ALDH4A1: variants seen among roughly 807,000 people sequenced by gnomAD.
The protein encoded by ALDH4A1 is delta-1-pyrroline-5-carboxylate dehydrogenase, mitochondrial.
In ALDH4A1, 46 loss-of-function variants were observed where a neutral mutation model predicts 70.5. That is an observed-to-expected ratio of 0.65 (90% CI 0.51 to 0.83). The LOEUF (loss-of-function observed/expected upper bound fraction) is 0.83. ALDH4A1 is among the 40% of genes least tolerant of loss of function. The pLI, the probability that ALDH4A1 is intolerant of heterozygous loss-of-function variation, is 0.00. For missense variants in ALDH4A1, 749 were observed against 766.5 expected, an observed-to-expected ratio of 0.98 and a Z score of 0.27; for synonymous variants, 323 against 324.3, an observed-to-expected ratio of 1.00 and a Z score of 0.04.
chr1:18,888,318 G>A (rs953424934), intron 3 of ALDH4A1, among the ~76,000 whole-genome samples: 3 of 152,176 alleles, frequency 2.0e-5, no homozygotes, highest in African/African-American at 4.8e-5. Flanking sequence ...AGGTGGCTGC[G>A]ACCTGGGCCC....
intron 7 of ALDH4A1, 43 bp from the exon 8 acceptor site, chr1:18,881,930 C>T: frequency 1.3e-6 from 2 of 1,569,342 alleles, no homozygotes; most frequent in African/African-American, 2.7e-5. Flanking sequence ...ATGGCGCCAC[C>T]AGCCCCCAAC....
At chr1:18,888,194 C>T (rs1935295406) in intron 3 of ALDH4A1, among the ~76,000 whole-genome samples, 1 of 152,182 alleles carries the variant, frequency 6.6e-6, no homozygotes. Context: ...TACTGGCCGG[C>T]GCTGGTCTAG....
At chr1:18,901,447 G>T (rs184849967) in intron 1 of ALDH4A1, among the ~76,000 whole-genome samples, 20 of 152,264 alleles carry the variant, frequency 1.3e-4, no homozygotes, top group East Asian at 7.7e-4. Flanking sequence ...TGGGAGGGGG[G>T]GCTGATCCAC....
intron 7 of ALDH4A1, among the ~76,000 whole-genome samples, chr1:18,882,143 A>G (rs1451047619): frequency 1.3e-5 from 2 of 152,268 alleles, no homozygotes; most frequent in East Asian, 3.9e-4. Context: ...GCCTGCACCA[A>G]CCGGTCCTGC....
chr1:18,900,138 A>G (rs368548052), intron 1 of ALDH4A1, among the ~76,000 whole-genome samples: 5 of 152,198 alleles, frequency 3.3e-5, no homozygotes, highest in East Asian at 3.8e-4. Context: ...CACAGTTGAC[A>G]TGTATTAAAC....
At chr1:18,876,635 A>G (rs1464966476) in intron 11 of ALDH4A1, among the ~76,000 whole-genome samples, 168 bp from the exon 12 acceptor site, 1 of 86,616 alleles carries the variant, frequency 1.2e-5, no homozygotes, top group African/African-American at 3.6e-5. Flanking sequence ...GCTGAGCCAC[A>G]GCAGAGACAA....
chr1:18,894,489 G>A (rs1935549115), intron 1 of ALDH4A1, among the ~76,000 whole-genome samples: 1 of 152,258 alleles, frequency 6.6e-6, no homozygotes, highest in Admixed American at 6.5e-5. Context: ...GTAGCAGTGA[G>A]CCCAGATCGT....
intron 3 of ALDH4A1, among the ~76,000 whole-genome samples, chr1:18,889,050 G>A (rs1296802124): frequency 6.6e-6 from 1 of 152,222 alleles, no homozygotes; most frequent in East Asian, 1.9e-4. Context: ...CGGGGCCCGG[G>A]GCCCAGCTTT....
intron 1 of ALDH4A1, chr1:18,897,251 A>G: frequency 8.0e-6 from 3 of 376,646 alleles, no homozygotes; most frequent in Non-Finnish European, 1.6e-5. Flanking sequence ...CCAATATACA[A>G]AACACTTCCG....
intron 8 of ALDH4A1, among the ~76,000 whole-genome samples, chr1:18,881,193 A>G (rs1410752694): frequency 1.3e-5 from 2 of 151,968 alleles, no homozygotes; most frequent in Non-Finnish European, 2.9e-5. Flanking sequence ...CTCCAGCCAC[A>G]CAGGATCCTG....
At position 18,872,468 on chromosome 1, in the gene ALDH4A1, G is replaced by A; in HGVS notation, c.*377C>T. The A allele has an allele frequency of 5.2e-6, 1 of 192,896 alleles. No individual in the cohort carries two copies. The highest frequency in any genetic ancestry group is 5.4e-5 in the Admixed American group (1 of 18,456). The allele number at this position is 192,896 out of a possible 1,614,324, so 11.9% of individuals were successfully genotyped here. ...ATCAAGGCCAGGAGCCTCTGTGAGT[G>A]GTGAGGTTTGCCAAGGGGCCCAGAA... On this transcript the variant is annotated 3_prime_UTR_variant, in exon 15 of 15. Coordinates refer to ENST00000375341, the MANE Select transcript of ALDH4A1 (RefSeq NM_003748.4).
chr1:18,902,313 G>T (rs1935826359), intron 1 of ALDH4A1, 149 bp downstream of exon 1: 1 of 542,388 alleles, frequency 1.8e-6, no homozygotes, highest in Non-Finnish European at 2.9e-6. Flanking sequence ...GGTGGGGGTC[G>T]GAGGGGAGCC....
intron 2 of ALDH4A1, among the ~76,000 whole-genome samples, 170 bp from the exon 3 acceptor site, chr1:18,889,624 G>A (rs954586394): frequency 5.3e-5 from 8 of 152,170 alleles, no homozygotes; most frequent in Non-Finnish European, 8.8e-5. Flanking sequence ...GGGGACAGCC[G>A]GACTCTGCTC....
intron 9 of ALDH4A1, among the ~76,000 whole-genome samples, chr1:18,878,199 A>G (rs535663968): frequency 6.6e-6 from 1 of 152,150 alleles, no homozygotes; most frequent in Admixed American, 6.5e-5. Flanking sequence ...CAGCTGCCCA[A>G]CTCTGGACGA....
chr1:18,873,789 G>A lies in ALDH4A1; in HGVS notation c.1579+674C>T, dbSNP rs148076585. On this transcript the variant is annotated intron_variant, in intron 14 of 14. Coordinates refer to ENST00000375341, the MANE Select transcript of ALDH4A1 (RefSeq NM_003748.4). ...GCAATACATGGGTAATAGTAAGCACGCTTCCCCTCGGTTCCGTGAGCTGTT... is the reference window on the plus strand; with the variant it reads ...GCAATACATGGGTAATAGTAAGCACACTTCCCCTCGGTTCCGTGAGCTGTT... Among the ~76,000 whole-genome samples the A allele has an allele frequency of 2.1e-3, 322 of 152,272 alleles. 1 individual carries two copies. The highest frequency in any genetic ancestry group is 7.6e-3 in the African/African-American group (315 of 41,532).
rs777312198 is a variant in ALDH4A1 at position 18,877,222 on chromosome 1, C to A, written c.1171G>T (p.Val391Leu). ...AEDFGTFFSA[V>L]IDAKSFARIK... is the part of the protein sequence containing the mutation. ...CCACCCCGTACCTTGGCATCAATCA[C>A]TGCAGAGAAGAAGGTCCCAAAATCC... is the stretch of plus-strand genomic sequence containing the variant. Residue 391 changes from valine to leucine, a missense_variant, in exon 11 of 15, where the codon GTG (valine) becomes TTG (leucine). Transcript: ENST00000375341. 6.2e-7 allele frequency: 1 copy of A among 1,608,620 alleles called. No individual in the cohort carries two copies. Among genetic ancestry groups the A allele is most frequent in the South Asian group, 1.1e-5 (1 of 89,870 alleles).
chr1:18,877,305 C>A lies in ALDH4A1; in HGVS notation c.1138-50G>T, dbSNP rs201696429. Reference sequence around the variant, plus strand: ...GAGACGAGTCACTGCAGGCCGAGACCAAGGGAGACCCCTCCCCGCACACCC... The same window carrying A: ...GAGACGAGTCACTGCAGGCCGAGACAAAGGGAGACCCCTCCCCGCACACCC... On this transcript the variant is annotated intron_variant, in intron 10 of 14. Transcript: ENST00000375341. The A allele has an allele frequency of 5.1e-4, 810 of 1,574,234 alleles. 12 individuals are homozygous for A. The East Asian group carries it at 0.016, about 30-fold the overall frequency.
Position 18,877,455 on chromosome 1 carries a change from C to T in ALDH4A1, c.1098G>A (p.Gly366=), listed in dbSNP as rs147471420. 5.4e-4 allele frequency: 861 copies of T among 1,593,538 alleles called. 1 individual carries two copies. Among genetic ancestry groups the T allele is most frequent in the Admixed American group, 7.6e-4 (44 of 57,638 alleles). Reference sequence around the variant, plus strand: ...TCCGACTGTGCTCCTCCAGCAGCCGCCCTTTGATCTGCGGCCACAGCGAGT... The same window carrying T: ...TCCGACTGTGCTCCTCCAGCAGCCGTCCTTTGATCTGCGGCCACAGCGAGT... ...VPHSLWPQIK[G]RLLEEHSRIK... is the part of the protein sequence containing the mutation. The change falls in exon 10 of 15, where the codon GGG becomes GGA. Residue 366 remains glycine, a synonymous_variant. Transcript: ENST00000375341.
At position 18,880,467 on chromosome 1, in the gene ALDH4A1, T is replaced by C. The variant is rs1934926171; in HGVS notation, c.867-1094A>G. 6.6e-6 allele frequency among the ~76,000 whole-genome samples: 1 copy of C among 150,428 alleles called. No individual in the cohort carries two copies. Among genetic ancestry groups the C allele is most frequent in the Admixed American group, 6.6e-5 (1 of 15,152 alleles). On this transcript the variant is annotated intron_variant, in intron 8 of 14. Coordinates refer to ENST00000375341, the MANE Select transcript of ALDH4A1 (RefSeq NM_003748.4). The surrounding 1 kb of genome is among the most constrained non-coding windows in gnomAD (Gnocchi z 5.1). ...ATCCTTCTCACCTGAACCTGCCCCC[T>C]TCTCCACATCCCCCATCTCTCCCCT...
Sources: gnomAD v4.1 joint callset for allele counts (sites outside exome capture counted in the v4.1 genomes callset) on GRCh38, gnomAD v4.1.1 for gene constraint, Gnocchi (gnomAD v3.1) non-coding constraint, MANE v1.5 for transcripts, NCBI Gene and HGNC (gene_info 2026-07-23, HGNC 2026-07-21) for gene names.